The following SOS1 variants were observed in gnomAD, a reference collection of about 807,000 sequenced individuals.
The protein encoded by SOS1 is son of sevenless homolog 1.
Under a neutral mutation model 157.6 loss-of-function variants are expected in SOS1, and 25 were observed. That is an observed-to-expected ratio of 0.16 (90% CI 0.12 to 0.22). SOS1 has a LOEUF of 0.22. SOS1 is among the 10% of genes least tolerant of loss of function. SOS1 has a pLI of 1.00. For synonymous variants in SOS1, 528 were observed against 534.0 expected (o/e 0.99, Z 0.16); for missense variants, 1,237 against 1,599.1 (o/e 0.77, Z 3.86).
At chr2:39,058,625 G>A (rs774185733) in intron 3 of SOS1, 48 bp downstream of exon 3, 2 of 1,585,714 alleles carry the variant, frequency 1.3e-6, no homozygotes, top group South Asian at 2.2e-5. Context: ...AAAAATGGTG[G>A]GTTTTATTTT....
At position 39,041,794 on chromosome 2, in the gene SOS1, CTA is replaced by C. The variant is rs546202034; in HGVS notation, c.865-6296_865-6295del. Among the ~76,000 whole-genome samples, 198 of 152,292 alleles carry C rather than the reference CTA, an allele frequency of 1.3e-3. 1 individual carries two copies. Among genetic ancestry groups the C allele is most frequent in the African/African-American group, 4.5e-3 (189 of 41,562 alleles). On this transcript the variant is annotated intron_variant, in intron 6 of 22. Transcript: ENST00000402219. ...TTAATCTCTTCCTTTCTGGTTTACT[CTA>C]TGTGTTAACAAACCTTCCTATGTCA...
At chr2:39,119,583 C>G (rs1673786566) in intron 1 of SOS1, among the ~76,000 whole-genome samples, 1 of 152,214 alleles carries the variant, frequency 6.6e-6, no homozygotes, top group African/African-American at 2.4e-5. Flanking sequence ...TGTCACACTG[C>G]TGCTTTAGAA....
chr2:39,108,460 C>G (rs1386816952), intron 1 of SOS1, among the ~76,000 whole-genome samples: 1 of 152,240 alleles, frequency 6.6e-6, no homozygotes, highest in African/African-American at 2.4e-5. Context: ...TCCAAAAATG[C>G]TGAGTTCCTC....
intron 1 of SOS1, among the ~76,000 whole-genome samples, chr2:39,096,901 C>G (rs2148197603): frequency 6.6e-6 from 1 of 151,632 alleles, no homozygotes; most frequent in East Asian, 1.9e-4. Context: ...AAAAAAAAAT[C>G]TTGGCTGAAA....
At position 39,081,036 on chromosome 2, in the gene SOS1, T is replaced by A. The variant is rs962168379; in HGVS notation, c.88-13283A>T. The stretch of plus-strand genomic sequence containing the variant: ...CCTTGTCTCTCCAAAAAAAAAATAA[T>A]AAAAAAATTAGCTGGGTTTGGGTGG... On this transcript the variant is annotated intron_variant, in intron 1 of 22. Transcript: ENST00000402219. Among the ~76,000 whole-genome samples the A allele has an allele frequency of 2.0e-5, 3 of 150,148 alleles. No homozygotes were observed. The East Asian group carries it at 6.0e-4, about 30-fold the overall frequency.
chr2:39,084,888 C>T (rs1171124904), intron 1 of SOS1, among the ~76,000 whole-genome samples: 1 of 152,074 alleles, frequency 6.6e-6, no homozygotes, highest in African/African-American at 2.4e-5. Flanking sequence ...AGAAAAGAGT[C>T]TCTGATGATT....
At chr2:39,033,346 A>G (rs1670234394) in intron 8 of SOS1, among the ~76,000 whole-genome samples, 1 of 152,200 alleles carries the variant, frequency 6.6e-6, no homozygotes, top group Non-Finnish European at 1.5e-5. Context: ...ACATGCTTAA[A>G]TCAGTAGAAA....
intron 8 of SOS1, among the ~76,000 whole-genome samples, chr2:39,032,236 A>G (rs1670186276): frequency 6.6e-6 from 1 of 152,116 alleles, no homozygotes; most frequent in Non-Finnish European, 1.5e-5. Context: ...TCTTGAATTT[A>G]CACCTCCTAA....
Position 38,986,148 on chromosome 2 carries a change from G to C in SOS1, c.3678C>G (p.Phe1226Leu). 6.2e-7 allele frequency: 1 copy of C among 1,613,898 alleles called. No individual in the cohort carries two copies. Among genetic ancestry groups the C allele is most frequent in the Non-Finnish European group, 8.5e-7 (1 of 1,179,902 alleles). ...GTTGGAGATGTAGTGGTGAGCTTGA[G>C]AAAACATCAGGTGTCCTCACAGGTT... is the stretch of plus-strand genomic sequence containing the variant. ...PREPVRTPDV[F>L]SSSPLHLQPP... Residue 1226 changes from phenylalanine (F) to leucine (L), a missense_variant, in exon 23 of 23, where the codon TTC (phenylalanine) becomes TTG (leucine). Transcript: ENST00000402219.
At chr2:39,088,507 G>A (rs1487264965) in intron 1 of SOS1, among the ~76,000 whole-genome samples, 1 of 151,876 alleles carries the variant, frequency 6.6e-6, no homozygotes, top group African/African-American at 2.4e-5. Context: ...GCAGGCTCTG[G>A]AAACTACCAT....
intron 8 of SOS1, among the ~76,000 whole-genome samples, chr2:39,031,333 T>C (rs369818403): frequency 4.6e-5 from 7 of 152,180 alleles, no homozygotes; most frequent in South Asian, 2.1e-4. Context: ...AAGGTTTGTT[T>C]GGGTGCATCT....
chr2:39,081,775 C>A (rs1672209055), intron 1 of SOS1, among the ~76,000 whole-genome samples: 1 of 150,972 alleles, frequency 6.6e-6, no homozygotes, highest in Non-Finnish European at 1.5e-5. Context: ...CAATTAGCAT[C>A]AGTGCACTCC....
At chr2:39,036,864 C>T (rs553597476) in intron 6 of SOS1, among the ~76,000 whole-genome samples, 4 of 151,830 alleles carry the variant, frequency 2.6e-5, no homozygotes, top group African/African-American at 4.8e-5. Context: ...TGTGAGCCAC[C>T]GCGCCCGGCC....
intron 1 of SOS1, among the ~76,000 whole-genome samples, chr2:39,074,673 G>A (rs1251326999): frequency 6.6e-6 from 1 of 152,090 alleles, no homozygotes; most frequent in African/African-American, 2.4e-5. Flanking sequence ...TTCAAGACCA[G>A]CCTGACCAAC....
At chr2:38,997,634 C>T (rs1474806690) in intron 17 of SOS1, among the ~76,000 whole-genome samples, 5 of 145,252 alleles carry the variant, frequency 3.4e-5, no homozygotes, top group Non-Finnish European at 6.0e-5. Flanking sequence ...TCATCAGAAT[C>T]CATGGAGGCC....
Position 39,022,730 on chromosome 2 carries a change from C to A in SOS1, c.1698G>T (p.Gln566His), listed in dbSNP as rs1313575751. Residue 566 changes from glutamine to histidine, a missense_variant, in exon 10 of 23, where the codon CAG (glutamine) becomes CAT (histidine). Physicochemically the swap from Gln to His is conservative, Grantham distance 24 (BLOSUM62 0). Transcript: ENST00000402219. ...VTMLQEEKEE[Q>H]MRLPSADVYR... ...AAACATCAGCACTAGGCAGCCTCAT[C>A]TGCTCCTCTTTCTCTTCCTGTAGCA... is the stretch of plus-strand genomic sequence containing the variant. The A allele has an allele frequency of 6.2e-7, 1 of 1,613,828 alleles. No homozygotes were observed. The highest frequency in any genetic ancestry group is 8.5e-7 in the Non-Finnish European group (1 of 1,179,756).
intron 1 of SOS1, among the ~76,000 whole-genome samples, chr2:39,076,451 T>C (rs990779710): frequency 1.3e-5 from 2 of 151,616 alleles, no homozygotes; most frequent in South Asian, 4.2e-4. Flanking sequence ...TTAGAAAAGA[T>C]ACTACACCAT....
chr2:39,045,273 A>AGAGAGAGT (rs138343013), intron 6 of SOS1, among the ~76,000 whole-genome samples: 17 of 108,086 alleles, frequency 1.6e-4, no homozygotes, highest in South Asian at 1.3e-3. Context: ...AGAGAGAGAG[A>AGAGAGAGT]GTGTGTGTGT....
chr2:38,986,358 T>C, intron 22 of SOS1, 43 bp from the exon 23 acceptor site: 2 of 1,531,596 alleles, frequency 1.3e-6, no homozygotes, highest in Non-Finnish European at 1.8e-6. Context: ...TTAATAAATT[T>C]ATGAAGTATC....
Sources: gnomAD v4.1 joint callset for allele counts (sites outside exome capture counted in the v4.1 genomes callset) on GRCh38, gnomAD v4.1.1 for gene constraint, MANE v1.5 for transcripts, NCBI Gene and HGNC (gene_info 2026-07-23, HGNC 2026-07-21) for gene names.